NRXN3: variants seen among roughly 807,000 people sequenced by gnomAD.
NRXN3 encodes the protein neurexin III.
A neutral mutation model predicts 137.6 loss-of-function variants in NRXN3; 32 were observed. That is an observed-to-expected ratio of 0.23 (90% CI 0.18 to 0.31). The LOEUF is 0.31. NRXN3 is among the 10% of genes least tolerant of loss of function. NRXN3 has a pLI of 1.00. For synonymous variants in NRXN3, 798 were observed against 784.5 expected (o/e 1.02, Z -0.29); for missense variants, 1,574 against 2,062.5 (o/e 0.76, Z 4.59).
intron 15 of NRXN3, among the ~76,000 whole-genome samples, chr14:79,106,478 T>G (rs181867235): frequency 6.6e-6 from 1 of 150,644 alleles, no homozygotes. Flanking sequence ...TTTCTAAGAA[T>G]AAAAAAGAAA....
chr14:79,626,803 T>C (rs1311467705), intron 16 of NRXN3, among the ~76,000 whole-genome samples: 2 of 152,204 alleles, frequency 1.3e-5, no homozygotes, highest in African/African-American at 4.8e-5. Context: ...GGTTTCCAGA[T>C]TATCCAATAC....
chr14:78,674,773 A>G (rs910585380), intron 6 of NRXN3, among the ~76,000 whole-genome samples: 2 of 152,338 alleles, frequency 1.3e-5, no homozygotes, highest in African/African-American at 4.8e-5. Context: ...TCACATTAAA[A>G]TGTTTTGCTT....
chr14:78,958,507 C>T (rs1041817964), intron 11 of NRXN3, among the ~76,000 whole-genome samples: 3 of 152,072 alleles, frequency 2.0e-5, no homozygotes, highest in African/African-American at 7.2e-5. Context: ...AGGTGCCTGC[C>T]ACCACGCCTG....
At chr14:78,627,242 A>G (rs2097473434) in intron 4 of NRXN3, among the ~76,000 whole-genome samples, 1 of 151,546 alleles carries the variant, frequency 6.6e-6, no homozygotes, top group Admixed American at 6.6e-5. Context: ...GTTTTTCCCT[A>G]GACTTGAGCA....
rs1047397605 is a variant in NRXN3, at chr14:79,055,077, C to G, written c.3262+66936C>G. ...ACCCTAATCCCACTACTGTGGCTTA[C>G]TCTGGGCTCCTTCTGTTTCTATTCC... On this transcript the variant is annotated intron_variant, in intron 15 of 20. Transcript: ENST00000335750. 3.9e-5 allele frequency among the ~76,000 whole-genome samples: 6 copies of G among 152,178 alleles called. 1 individual carries two copies. Among genetic ancestry groups the G allele is most frequent in the Non-Finnish European group, 8.8e-5 (6 of 68,036 alleles).
intron 4 of NRXN3, among the ~76,000 whole-genome samples, chr14:78,469,156 A>G (rs973342005): frequency 6.6e-6 from 1 of 152,116 alleles, no homozygotes; most frequent in Non-Finnish European, 1.5e-5. Context: ...ATTAAGCTTA[A>G]ATTTCTGGGT....
intron 12 of NRXN3, 143 bp downstream of exon 12, chr14:78,966,549 G>A (rs1392763246): frequency 1.1e-6 from 1 of 887,864 alleles, no homozygotes; most frequent in African/African-American, 1.7e-5. Flanking sequence ...TGATTAAATG[G>A]ATCCATAAAA....
At chr14:78,623,862 G>T (rs925815393) in intron 4 of NRXN3, among the ~76,000 whole-genome samples, 1 of 152,102 alleles carries the variant, frequency 6.6e-6, no homozygotes, top group Non-Finnish European at 1.5e-5. Context: ...GTGAGCCATG[G>T]CACCCGGGCT....
At chr14:78,485,593 C>A (rs924131362) in intron 4 of NRXN3, among the ~76,000 whole-genome samples, 10 of 152,202 alleles carry the variant, frequency 6.6e-5, no homozygotes, top group African/African-American at 2.4e-4. Context: ...ATTACATCAG[C>A]ATTGTTTCAC....
intron 15 of NRXN3, among the ~76,000 whole-genome samples, chr14:79,286,023 T>C (rs2082191293): frequency 6.6e-6 from 1 of 152,220 alleles, no homozygotes; most frequent in Non-Finnish European, 1.5e-5. Context: ...AGAGGTAATG[T>C]TGTGTTTACA....
chr14:79,395,535 G>A (rs371592854), intron 15 of NRXN3, among the ~76,000 whole-genome samples: 24 of 151,412 alleles, frequency 1.6e-4, no homozygotes, highest in African/African-American at 4.4e-4. Context: ...GAGGCCGGGC[G>A]TGGTGGCTCA....
intron 4 of NRXN3, among the ~76,000 whole-genome samples, chr14:78,579,847 A>G (rs1467917529): frequency 6.6e-6 from 1 of 152,194 alleles, no homozygotes; most frequent in Non-Finnish European, 1.5e-5. Context: ...GGAATTGTGA[A>G]CAGGGCATTG....
rs552928836 is a variant in NRXN3, at chr14:79,188,246, T to C, written c.3262+200105T>C. Among the ~76,000 whole-genome samples the C allele has an allele frequency of 2.0e-5, 3 of 152,300 alleles. No individual in the cohort carries two copies. In the South Asian group the frequency reaches 6.2e-4, roughly 32 times the overall value. On this transcript the variant is annotated intron_variant, in intron 15 of 20. Transcript: ENST00000335750. ...AATTTGGTGGTGATAGTGGAGAGTC[T>C]CTTTCCAAATATAAGACCTAGCATT...
chr14:79,709,123 G>C (rs79087464), intron 19 of NRXN3, among the ~76,000 whole-genome samples: 1 of 152,050 alleles, frequency 6.6e-6, no homozygotes, highest in Non-Finnish European at 1.5e-5. Flanking sequence ...ATGCACGTCC[G>C]GGGTGGTATC....
At chr14:79,663,994 A>C (rs753820174) in intron 17 of NRXN3, 45 bp downstream of exon 17, 5 of 1,590,814 alleles carry the variant, frequency 3.1e-6, no homozygotes, top group Middle Eastern at 1.7e-4. Flanking sequence ...TGACTCTCCC[A>C]TTCTCACTTT....
intron 19 of NRXN3, among the ~76,000 whole-genome samples, chr14:79,744,725 T>C (rs1158530069): frequency 2.0e-5 from 3 of 152,174 alleles, no homozygotes; most frequent in Non-Finnish European, 4.4e-5. Context: ...GCATTTAGTG[T>C]AGATAAGTTG....
rs552434454 is a variant in NRXN3 at position 79,843,686 on chromosome 14, A to C, written c.4094-17656A>C. Among the ~76,000 whole-genome samples the C allele has an allele frequency of 8.5e-5, 13 of 152,334 alleles. No individual in the cohort carries two copies. The South Asian group carries it at 2.7e-3, about 32-fold the overall frequency. On this transcript the variant is annotated intron_variant, in intron 20 of 20. Coordinates refer to ENST00000335750, the MANE Select transcript of NRXN3 (RefSeq NM_001330195.2). ...CAGCAGTGTTCACAGCATCTTCACC[A>C]GGAGATTACTTCTTATGAAGTCATT...
intron 17 of NRXN3, among the ~76,000 whole-genome samples, chr14:79,687,159 G>A (rs1363798825): frequency 6.6e-6 from 1 of 152,150 alleles, no homozygotes; most frequent in East Asian, 1.9e-4. Context: ...GCTTATAATT[G>A]CATTTTGAGC....
intron 11 of NRXN3, among the ~76,000 whole-genome samples, chr14:78,964,353 C>A (rs556454824): frequency 6.6e-6 from 1 of 152,334 alleles, no homozygotes; most frequent in South Asian, 2.1e-4. Flanking sequence ...TAGTTCAGAA[C>A]TGGGCAGACA....
Sources: allele counts gnomAD v4.1 joint callset (sites outside exome capture counted in the v4.1 genomes callset), GRCh38; gene constraint gnomAD v4.1.1; transcripts MANE v1.5; gene names NCBI Gene and HGNC (gene_info 2026-07-23, HGNC 2026-07-21).